The following LRBA variants were observed in gnomAD, a reference collection of about 807,000 sequenced individuals.
LRBA encodes lipopolysaccharide-responsive and beige-like anchor protein.
Under a neutral mutation model 330.0 loss-of-function variants are expected in LRBA, and 176 were observed. The ratio of observed to expected loss-of-function variants is 0.53; its 90% CI spans 0.47 to 0.60. LRBA has a LOEUF of 0.60. Ranked by LOEUF, LRBA falls within the 20% of genes least tolerant of loss-of-function variation. The pLI is 0.00. For synonymous variants in LRBA, 1,230 were observed against 1,193.0 expected (o/e 1.03, Z -0.64); for missense variants, 3,259 against 3,444.8 (o/e 0.95, Z 1.35).
intron 47 of LRBA, among the ~76,000 whole-genome samples, chr4:150,354,710 T>G (rs542167827): frequency 9.9e-5 from 15 of 152,154 alleles, no homozygotes; most frequent in African/African-American, 3.6e-4. Flanking sequence ...CAAACTGTCT[T>G]GGCGCTGATA....
At chr4:150,349,392 T>C (rs559832451) in intron 48 of LRBA, among the ~76,000 whole-genome samples, 38 of 152,324 alleles carry the variant, frequency 2.5e-4, no homozygotes, top group African/African-American at 8.9e-4. Context: ...ATTAGAAGGA[T>C]GCATAATTAG....
At chr4:150,444,539 T>C (rs897049082) in intron 44 of LRBA, among the ~76,000 whole-genome samples, 4 of 152,196 alleles carry the variant, frequency 2.6e-5, no homozygotes, top group African/African-American at 7.2e-5. Context: ...TATTTCGTTA[T>C]ATGCTATATA....
chr4:151,010,465 A>C (rs554364260), intron 2 of LRBA, among the ~76,000 whole-genome samples: 1 of 152,368 alleles, frequency 6.6e-6, no homozygotes, highest in African/African-American at 2.4e-5. Flanking sequence ...GTGCACTGTT[A>C]ATCAAAATTT....
At chr4:150,753,968 G>A (rs916104108) in intron 35 of LRBA, among the ~76,000 whole-genome samples, 7 of 151,658 alleles carry the variant, frequency 4.6e-5, no homozygotes, top group African/African-American at 1.7e-4. Flanking sequence ...TTGGGAGGCT[G>A]AGATAAAAGG....
chr4:150,966,475 A>ATTTTTTTTTTT (rs36013649), intron 2 of LRBA, among the ~76,000 whole-genome samples: 1 of 114,616 alleles, frequency 8.7e-6, no homozygotes, highest in African/African-American at 3.4e-5. Flanking sequence ...CACCCAGCTA[A>ATTTTTTTTTTT]TTTTTTTTTT....
At chr4:150,924,411 G>C (rs1733655683) in intron 4 of LRBA, among the ~76,000 whole-genome samples, 1 of 152,108 alleles carries the variant, frequency 6.6e-6, no homozygotes, top group African/African-American at 2.4e-5. Context: ...TGCTTGGAAA[G>C]CTGAGGTGGG....
At chr4:150,620,151 TA>T (rs542678879) in intron 37 of LRBA, among the ~76,000 whole-genome samples, 1 of 151,776 alleles carries the variant, frequency 6.6e-6, no homozygotes, top group Non-Finnish European at 1.5e-5. Context: ...AGTGTATTTT[TA>T]AAAAAAACAT....
chr4:150,323,024 T>G (rs1340185015), intron 49 of LRBA, among the ~76,000 whole-genome samples: 14 of 143,888 alleles, frequency 9.7e-5, no homozygotes, highest in African/African-American at 3.3e-4. Context: ...TGTGTGTGTG[T>G]GGGGATGCAT....
intron 35 of LRBA, among the ~76,000 whole-genome samples, chr4:150,757,359 A>T (rs1307275952): frequency 2.6e-5 from 4 of 152,164 alleles, no homozygotes; most frequent in African/African-American, 9.6e-5. Context: ...ACAATTACTT[A>T]TGTCTGAACT....
rs750711532 is a variant in LRBA at position 150,844,769 on chromosome 4, G to T, written c.4350C>A (p.Val1450=). The T allele has an allele frequency of 6.2e-7, 1 of 1,611,270 alleles. No homozygotes were observed. The highest frequency in any genetic ancestry group is 1.1e-5 in the South Asian group (1 of 90,398). Residue 1450 remains valine, a synonymous_variant, in exon 27 of 57, where the codon GTC becomes GTA. Transcript: ENST00000651943. ...LRQCLRLVCA[V]AVRNCLECQQ... ...GACACTCCAAGCAATTCCTTACTGCGACTGCACAAACTGTAATTTATTTTA... is the reference window on the plus strand; with the variant it reads ...GACACTCCAAGCAATTCCTTACTGCTACTGCACAAACTGTAATTTATTTTA...
chr4:150,500,284 C>A (rs554411521), intron 40 of LRBA, among the ~76,000 whole-genome samples: 2 of 150,826 alleles, frequency 1.3e-5, no homozygotes, highest in Admixed American at 1.3e-4. Context: ...AAAAAAAAAT[C>A]CCCCCTTGGG....
chr4:150,437,764 G>A (rs4396971), intron 44 of LRBA, among the ~76,000 whole-genome samples: 131,184 of 152,074 alleles, frequency 0.86, 57,628 homozygotes, highest in Non-Finnish European at 0.96. Flanking sequence ...GCCTGACAAC[G>A]TTCAATGAAT....
At chr4:150,639,754 TATATATATATA>T in intron 37 of LRBA, among the ~76,000 whole-genome samples, 1 of 2,550 alleles carries the variant, frequency 3.9e-4, no homozygotes, top group South Asian at 0.022. Flanking sequence ...TATATATATA[TATATATATATA>T]TATATATATA....
rs146420329 is a variant in LRBA at position 150,927,103 on chromosome 4, G to A, written c.549+1413C>T. Among the ~76,000 whole-genome samples the A allele has an allele frequency of 1.9e-3, 289 of 150,950 alleles. 2 individuals are homozygous for A. Among genetic ancestry groups the A allele is most frequent in the African/African-American group, 6.8e-3 (280 of 41,166 alleles). On this transcript the variant is annotated intron_variant, in intron 4 of 56. Transcript: ENST00000651943. ...GAAAAAAAAAAAAAAGGCCAGGCGC[G>A]GTGGCTCACACCTGTAATCTCAGCA...
chr4:150,792,218 G>C (rs1451510132), intron 34 of LRBA, among the ~76,000 whole-genome samples: 1 of 143,706 alleles, frequency 7.0e-6, no homozygotes, highest in Non-Finnish European at 1.5e-5. Flanking sequence ...AAAAAAAAAA[G>C]GTTGAAGCGT....
intron 42 of LRBA, among the ~76,000 whole-genome samples, chr4:150,485,001 A>C (rs1757708113): frequency 6.6e-6 from 1 of 152,012 alleles, no homozygotes; most frequent in Admixed American, 6.6e-5. Context: ...CAGAGATCCA[A>C]GATCTCAATC....
At chr4:150,982,452 TAAC>T (rs1224445182) in intron 2 of LRBA, among the ~76,000 whole-genome samples, 1 of 152,122 alleles carries the variant, frequency 6.6e-6, no homozygotes, top group Non-Finnish European at 1.5e-5. Flanking sequence ...ATAAAATGTG[TAAC>T]AAAAGGAAAC....
intron 46 of LRBA, among the ~76,000 whole-genome samples, chr4:150,432,044 G>C (rs1222607582): frequency 6.6e-6 from 1 of 151,894 alleles, no homozygotes; most frequent in Non-Finnish European, 1.5e-5. Flanking sequence ...AAGAAATAGG[G>C]ATTTTAAGAT....
intron 56 of LRBA, among the ~76,000 whole-genome samples, chr4:150,276,135 T>C (rs1237209343): frequency 6.6e-6 from 1 of 152,216 alleles, no homozygotes; most frequent in East Asian, 1.9e-4. Flanking sequence ...ACCATGCATC[T>C]ACAACCATCT....
Sources: gnomAD v4.1 joint callset for allele counts (sites outside exome capture counted in the v4.1 genomes callset) on GRCh38, gnomAD v4.1.1 for gene constraint, MANE v1.5 for transcripts, NCBI Gene and HGNC (gene_info 2026-07-23, HGNC 2026-07-21) for gene names.